The following NMT2 variants were observed in gnomAD, a reference collection of about 807,000 sequenced individuals.
NMT2 encodes the protein glycylpeptide N-tetradecanoyltransferase 2.
In NMT2, 35 loss-of-function variants were observed where a neutral mutation model predicts 65.4. That is an observed-to-expected ratio of 0.54 (90% CI 0.41 to 0.71). The LOEUF is 0.71. Ranked by LOEUF, NMT2 falls within the 30% of genes least tolerant of loss-of-function variation. The probability of loss-of-function intolerance (pLI) is 0.00; values close to 1 mark genes in which losing one functional copy is unlikely to be tolerated. For missense variants in NMT2, 489 were observed against 611.3 expected, an observed-to-expected ratio of 0.80 and a Z score of 2.11; for synonymous variants, 226 against 231.8, an observed-to-expected ratio of 0.98 and a Z score of 0.23.
At chr10:15,155,872 A>G (rs1416242861) in intron 1 of NMT2, among the ~76,000 whole-genome samples, 2 of 151,930 alleles carry the variant, frequency 1.3e-5, no homozygotes, top group African/African-American at 4.8e-5. Flanking sequence ...TGATTCCAAG[A>G]CAGTGAATTT....
At chr10:15,131,137 C>G (rs564657039) in intron 6 of NMT2, among the ~76,000 whole-genome samples, 48 of 152,224 alleles carry the variant, frequency 3.2e-4, no homozygotes, top group African/African-American at 9.4e-4. Flanking sequence ...TATTCTATCA[C>G]TTAGACATTT....
intron 1 of NMT2, among the ~76,000 whole-genome samples, chr10:15,163,069 C>A (rs1262928391): frequency 6.6e-6 from 1 of 151,998 alleles, no homozygotes. Context: ...GCATGCACCA[C>A]CATGTCTAGC....
At chr10:15,119,594 G>A (rs963402767) in intron 8 of NMT2, 81 bp from the exon 9 acceptor site, 11 of 1,178,454 alleles carry the variant, frequency 9.3e-6, no homozygotes, top group Non-Finnish European at 1.2e-5. Flanking sequence ...AGTGTGGTCT[G>A]CAGACCAGCA....
intron 3 of NMT2, 147 bp downstream of exon 3, chr10:15,135,127 C>T (rs1014387357): frequency 8.4e-6 from 7 of 834,826 alleles, no homozygotes; most frequent in African/African-American, 6.9e-5. Flanking sequence ...AAATATTAGT[C>T]TTGCATAGAT....
chr10:15,166,738 G>A (rs1480592951), intron 1 of NMT2, among the ~76,000 whole-genome samples: 1 of 152,156 alleles, frequency 6.6e-6, no homozygotes, highest in African/African-American at 2.4e-5. Flanking sequence ...TATATAAAAT[G>A]TGCTGATATA....
intron 1 of NMT2, among the ~76,000 whole-genome samples, chr10:15,151,893 G>A (rs960687933): frequency 6.6e-6 from 1 of 152,184 alleles, no homozygotes; most frequent in Non-Finnish European, 1.5e-5. Flanking sequence ...GGGTGTGGTG[G>A]CACGCGCCTG....
chr10:15,143,414 T>C (rs1353504084), intron 1 of NMT2, among the ~76,000 whole-genome samples: 1 of 152,228 alleles, frequency 6.6e-6, no homozygotes, highest in African/African-American at 2.4e-5. Context: ...ACAGCTTTTC[T>C]GTATAATACT....
rs12262238 is a variant in NMT2, at chr10:15,129,154, C to A, written c.891-696G>T. On this transcript the variant is annotated intron_variant, in intron 7 of 11. Transcript: ENST00000378165. Reference sequence around the variant, plus strand: ...CACCTTCACTTTTACAGCCTACACACCAAAGAAAACAACTTTTTGAAAACT... The same window carrying A: ...CACCTTCACTTTTACAGCCTACACAACAAAGAAAACAACTTTTTGAAAACT... Among the ~76,000 whole-genome samples, 779 of 152,260 alleles carry A rather than the reference C, an allele frequency of 5.1e-3. 8 individuals are homozygous for A. The highest frequency in any genetic ancestry group is 0.017 in the African/African-American group (707 of 41,540).
chr10:15,142,270 G>C (rs1407511224), intron 1 of NMT2, among the ~76,000 whole-genome samples: 1 of 152,148 alleles, frequency 6.6e-6, no homozygotes, highest in African/African-American at 2.4e-5. Context: ...TAAGAACTAA[G>C]CACGCTGTTG....
At chr10:15,152,992 G>A (rs565239500) in intron 1 of NMT2, among the ~76,000 whole-genome samples, 1 of 152,276 alleles carries the variant, frequency 6.6e-6, no homozygotes, top group South Asian at 2.1e-4. Context: ...AGGTAATGGT[G>A]TATCCATTCA....
At chr10:15,154,344 G>A (rs528513123) in intron 1 of NMT2, among the ~76,000 whole-genome samples, 7 of 152,264 alleles carry the variant, frequency 4.6e-5, no homozygotes, top group East Asian at 1.9e-4. Flanking sequence ...ACCACATGAC[G>A]GGATGGCCAG....
At chr10:15,154,975 T>C (rs1832941406) in intron 1 of NMT2, 2 of 1,148,150 alleles carry the variant, frequency 1.7e-6, no homozygotes, top group South Asian at 1.2e-5. Context: ...GAATCGTTTG[T>C]GTTGGGTCCA....
chr10:15,146,140 C>A (rs1007145461), intron 1 of NMT2, among the ~76,000 whole-genome samples: 1 of 152,150 alleles, frequency 6.6e-6, no homozygotes, highest in African/African-American at 2.4e-5. Flanking sequence ...GAAAGGTCCA[C>A]AAAGAAAAGG....
At chr10:15,137,753 G>T (rs886637359) in intron 2 of NMT2, among the ~76,000 whole-genome samples, 1 of 151,830 alleles carries the variant, frequency 6.6e-6, no homozygotes, top group Non-Finnish European at 1.5e-5. Flanking sequence ...TTCTTTCCTG[G>T]TTTCTGAGTT....
chr10:15,108,188 CTTTTT>C lies in NMT2; in HGVS notation c.*1002_*1006del. On this transcript the variant is annotated 3_prime_UTR_variant, in exon 12 of 12. Transcript: ENST00000378165. ...AGTTAGTCGCGGGTACAGGCTCTTT[CTTTTT>C]TTTTTTTTTTGAGACGGAGTCTCAC... is the stretch of plus-strand genomic sequence containing the variant. The C allele has an allele frequency of 1.1e-6, 1 of 906,556 alleles. No individual in the cohort carries two copies. Among genetic ancestry groups the C allele is most frequent in the Non-Finnish European group, 1.3e-6 (1 of 765,152 alleles). 56.2% of individuals were successfully genotyped at this position (906,556 alleles called of 1,614,324 possible).
At chr10:15,109,650 AT>A (rs1380000199) in intron 11 of NMT2, 51 bp downstream of exon 11, 9 of 1,405,010 alleles carry the variant, frequency 6.4e-6, no homozygotes, top group Non-Finnish European at 8.5e-6. Flanking sequence ...CAAGTATGAA[AT>A]TGTCTAGGTA....
At chr10:15,140,845 A>G (rs999512701) in intron 2 of NMT2, 12 of 746,368 alleles carry the variant, frequency 1.6e-5, no homozygotes, top group Non-Finnish European at 2.3e-5. Context: ...CTTGGCCACC[A>G]TCTGCCAACA....
At chr10:15,137,753 G>C (rs886637359) in intron 2 of NMT2, among the ~76,000 whole-genome samples, 1 of 151,832 alleles carries the variant, frequency 6.6e-6, no homozygotes, top group Admixed American at 6.6e-5. Flanking sequence ...TTCTTTCCTG[G>C]TTTCTGAGTT....
At chr10:15,162,524 TG>T (rs1833233577) in intron 1 of NMT2, among the ~76,000 whole-genome samples, 1 of 151,864 alleles carries the variant, frequency 6.6e-6, no homozygotes, top group Non-Finnish European at 1.5e-5. Flanking sequence ...CATGTGTTGA[TG>T]ACTGCCCAAC....
Sources: gnomAD v4.1 joint callset for allele counts (sites outside exome capture counted in the v4.1 genomes callset) on GRCh38, gnomAD v4.1.1 for gene constraint, MANE v1.5 for transcripts, NCBI Gene and HGNC (gene_info 2026-07-23, HGNC 2026-07-21) for gene names.